TAF4: variants seen among roughly 807,000 people sequenced by gnomAD.
TAF4 encodes the protein TATA-box binding protein associated factor 4, also known as transcription initiation factor TFIID subunit 4.
Under a neutral mutation model 90.3 loss-of-function variants are expected in TAF4, and 9 were observed. That is an observed-to-expected ratio of 0.10 (90% confidence interval 0.06 to 0.17). TAF4 has a LOEUF of 0.17. TAF4 is among the 10% of genes least tolerant of loss of function. TAF4 has a pLI of 1.00. For missense variants in TAF4, 1,351 were observed against 1,370.7 expected (o/e 0.99, Z 0.23); for synonymous variants, 818 against 638.9 (o/e 1.28, Z -4.23).
chr20:61,990,156 G>A (rs896962238), intron 14 of TAF4, among the ~76,000 whole-genome samples: 5 of 152,106 alleles, frequency 3.3e-5, no homozygotes, highest in Non-Finnish European at 2.9e-5. Flanking sequence ...GAGCATTTAG[G>A]GTGCTGGGTA....
rs780011669 is a variant in TAF4, at chr20:61,975,799, C to A, written c.*369G>T. On this transcript the variant is annotated 3_prime_UTR_variant, in exon 15 of 15. Coordinates refer to ENST00000252996, the MANE Select transcript of TAF4 (RefSeq NM_003185.4). ...TGAGGTCATCGGCTGTAGACATACA[C>A]CTACATAGTAAGTTAGGTAGAACTA... 1 of 229,486 alleles carries A rather than the reference C, an allele frequency of 4.4e-6. No individual in the cohort carries two copies. The highest frequency in any genetic ancestry group is 8.7e-6 in the Non-Finnish European group (1 of 115,376). 14.2% of individuals were successfully genotyped at this position (229,486 alleles called of 1,614,324 possible).
At chr20:62,008,520 G>A (rs1389425263) in intron 5 of TAF4, among the ~76,000 whole-genome samples, 1 of 140,074 alleles carries the variant, frequency 7.1e-6, no homozygotes, top group African/African-American at 2.6e-5. Context: ...ACAGAGTGCT[G>A]TTCTCTGCGA....
rs183354981 is a variant in TAF4 at position 62,001,613 on chromosome 20, T to G, written c.2487-892A>C. Among the ~76,000 whole-genome samples the G allele has an allele frequency of 2.5e-3, 382 of 152,154 alleles. 2 individuals carry two copies. The highest frequency in any genetic ancestry group is 8.8e-3 in the African/African-American group (364 of 41,506). On this transcript the variant is annotated intron_variant, in intron 9 of 14. Coordinates refer to ENST00000252996, the MANE Select transcript of TAF4 (RefSeq NM_003185.4). ...TCTCGGGGAAGAGCTCTACAGCAGT[T>G]CTCATGCCCAGTCCTCCTATGGGCT...
chr20:61,976,549 AG>A (rs1203817420), intron 14 of TAF4, among the ~76,000 whole-genome samples: 1 of 152,242 alleles, frequency 6.6e-6, no homozygotes, highest in African/African-American at 2.4e-5. Context: ...CCTTCAGGAC[AG>A]GGCACACTCA....
chr20:61,998,864 C>T, intron 12 of TAF4, 119 bp downstream of exon 12: 36 of 1,386,794 alleles, frequency 2.6e-5, no homozygotes, highest in Non-Finnish European at 3.5e-5. Context: ...ATCACCTTTG[C>T]TTCAAGGCCA....
chr20:62,034,019 G>A (rs1317361383), intron 1 of TAF4, among the ~76,000 whole-genome samples: 5 of 151,428 alleles, frequency 3.3e-5, no homozygotes, highest in African/African-American at 9.7e-5. Context: ...TCCAGCCTGG[G>A]CGACAGAGCA....
intron 1 of TAF4, among the ~76,000 whole-genome samples, chr20:62,059,580 C>T (rs1488845996): frequency 1.3e-5 from 2 of 152,224 alleles, no homozygotes; most frequent in African/African-American, 4.8e-5. Context: ...GCACAGCACT[C>T]GGCACAGAAG....
chr20:62,057,548 G>C (rs1164463739), intron 1 of TAF4, among the ~76,000 whole-genome samples: 1 of 152,234 alleles, frequency 6.6e-6, no homozygotes, highest in Non-Finnish European at 1.5e-5. Flanking sequence ...GATGCCACGT[G>C]TGCCTTCCTC....
Position 62,065,385 on chromosome 20 carries a change from G to A in TAF4, c.426C>T (p.Ala142=), listed in dbSNP as rs1318200921. The change falls in exon 1 of 15, where the codon GCC becomes GCT. Residue 142 remains alanine (A), a synonymous_variant. Transcript: ENST00000252996. The part of the protein sequence containing the change: ...GSAGSCAPVP[A]AAAVAAGPEP... ...CGGGCCCCGCGGCGACGGCGGCGGCGGCGGGCACCGGGGCGCAGGACCCCG... is the reference window on the plus strand; with the variant it reads ...CGGGCCCCGCGGCGACGGCGGCGGCAGCGGGCACCGGGGCGCAGGACCCCG... 6 of 972,794 alleles carry A rather than the reference G, an allele frequency of 6.2e-6. No individual in the cohort carries two copies. The highest frequency in any genetic ancestry group is 6.1e-6 in the Non-Finnish European group (5 of 823,226). The allele number at this position is 972,794 out of a possible 1,614,324, so 60.3% of individuals were successfully genotyped here. A position where few individuals can be genotyped will look rare whatever the true frequency, so the allele number is the denominator to read the frequency against.
rs139021129 is a variant in TAF4, at chr20:62,006,034, A to C, written c.2223+476T>G. Reference sequence around the variant, plus strand: ...CAAGAAAGCCAGATCCAAACTGCACATAAGTGAACCGCTATGAGCAGCCGC... The same window carrying C: ...CAAGAAAGCCAGATCCAAACTGCACCTAAGTGAACCGCTATGAGCAGCCGC... On this transcript the variant is annotated intron_variant, in intron 7 of 14. Coordinates refer to ENST00000252996, the MANE Select transcript of TAF4 (RefSeq NM_003185.4). This position sits in a 1 kb window ranked among gnomAD's most constrained non-coding sequence, Gnocchi z 7.0. 1 of 154,336 alleles carries C rather than the reference A, an allele frequency of 6.5e-6. No homozygotes were observed. The highest frequency in any genetic ancestry group is 6.5e-5 in the Admixed American group (1 of 15,346). 9.6% of individuals were successfully genotyped at this position (154,336 alleles called of 1,614,324 possible).
chr20:61,988,389 A>C, intron 14 of TAF4, among the ~76,000 whole-genome samples: 1 of 152,232 alleles, frequency 6.6e-6, no homozygotes, highest in East Asian at 1.9e-4. Context: ...AATTTATTTA[A>C]AGTTAAATTA....
At chr20:62,008,028 G>A (rs149917224) in intron 5 of TAF4, 75 of 168,368 alleles carry the variant, frequency 4.5e-4, no homozygotes, top group Middle Eastern at 2.9e-3. Context: ...CGGTGCTGCA[G>A]GAGGTCACAG....
rs1288299307 is a variant in TAF4 at position 62,000,261 on chromosome 20, G to A, written c.2657-7C>T. ...GTTATACCATGTTTTTTACCTAAAG[G>A]TCAGGCAAGAAAAACAGTATTTTAA... is the stretch of plus-strand genomic sequence containing the variant. On this transcript the variant is annotated splice_polypyrimidine_tract_variant and splice_region_variant and intron_variant, in intron 10 of 14. Coordinates refer to ENST00000252996, the MANE Select transcript of TAF4 (RefSeq NM_003185.4). 5.0e-6 allele frequency: 8 copies of A among 1,611,926 alleles called. No individual in the cohort carries two copies. Among genetic ancestry groups the A allele is most frequent in the Non-Finnish European group, 6.8e-6 (8 of 1,178,972 alleles).
At chr20:62,017,264 T>G (rs1240248835) in intron 1 of TAF4, among the ~76,000 whole-genome samples, 1 of 152,198 alleles carries the variant, frequency 6.6e-6, no homozygotes, top group Non-Finnish European at 1.5e-5. Context: ...TCCGTCCCAG[T>G]GCCTCCACAC....
In TAF4 at chr20:61,976,062, T is replaced by C. The variant is rs2055492595; in HGVS notation, c.*106A>G. ...TGATTTAGAAACAGGAATATAAAAC[T>C]GTTCCATTGTAAAGAGGTGGCTGTT... is the stretch of plus-strand genomic sequence containing the variant. On this transcript the variant is annotated 3_prime_UTR_variant, in exon 15 of 15. Coordinates refer to ENST00000252996, the MANE Select transcript of TAF4 (RefSeq NM_003185.4). The C allele has an allele frequency of 2.5e-6, 3 of 1,214,696 alleles. No individual in the cohort carries two copies. The highest frequency in any genetic ancestry group is 3.0e-5 in the African/African-American group (2 of 66,066). The allele number at this position is 1,214,696 out of a possible 1,614,324, so 75.2% of individuals were successfully genotyped here. A position where few individuals can be genotyped will look rare whatever the true frequency, so the allele number is the denominator to read the frequency against.
At chr20:62,003,426 C>G in intron 8 of TAF4, 152 bp from the exon 9 acceptor site, 1 of 697,168 alleles carries the variant, frequency 1.4e-6, no homozygotes, top group East Asian at 2.7e-5. Context: ...CTCTAAATTA[C>G]AGTACAAAGT....
intron 14 of TAF4, among the ~76,000 whole-genome samples, chr20:61,985,934 C>T (rs951595528): frequency 6.6e-6 from 1 of 151,828 alleles, no homozygotes; most frequent in East Asian, 1.9e-4. Context: ...GCACCATCCC[C>T]GACCAAAGGA....
intron 1 of TAF4, among the ~76,000 whole-genome samples, chr20:62,031,004 G>A (rs1053693267): frequency 3.9e-5 from 6 of 152,202 alleles, no homozygotes; most frequent in African/African-American, 1.2e-4. Flanking sequence ...CAACAAACAG[G>A]AAATGACTTG....
rs1348610636 is a variant in TAF4, at chr20:62,010,479, G to C, written c.1642-314C>G. Among the ~76,000 whole-genome samples the C allele has an allele frequency of 6.6e-6, 1 of 152,130 alleles. No homozygotes were observed. Among genetic ancestry groups the C allele is most frequent in the Non-Finnish European group, 1.5e-5 (1 of 68,020 alleles). ...AGAAGTCCATGGAAAAAGTCACATA[G>C]AGACCAGAGTAAATAATCCTAACAG... On this transcript the variant is annotated intron_variant, in intron 3 of 14. Coordinates refer to ENST00000252996, the MANE Select transcript of TAF4 (RefSeq NM_003185.4). The surrounding 1 kb of genome is among the most constrained non-coding windows in gnomAD (Gnocchi z 4.5).
Sources: allele counts gnomAD v4.1 joint callset (sites outside exome capture counted in the v4.1 genomes callset), GRCh38; gene constraint gnomAD v4.1.1; non-coding constraint Gnocchi (gnomAD v3.1); transcripts MANE v1.5; gene names NCBI Gene and HGNC (gene_info 2026-07-23, HGNC 2026-07-21).